PPFIA2: variants seen among roughly 807,000 people sequenced by gnomAD.
PPFIA2 encodes the protein PPFI scaffold protein A2, also known as liprin-alpha-2.
In PPFIA2, 46 loss-of-function variants were observed where a neutral mutation model predicts 175.5. The observed-to-expected ratio is 0.26, with a 90% confidence interval of 0.21 to 0.34. The LOEUF (loss-of-function observed/expected upper bound fraction) is 0.34. Among genes scored for constraint, PPFIA2 ranks in the 10% least tolerant of loss-of-function variants. The probability of loss-of-function intolerance (pLI) is 1.00; values close to 1 mark genes in which losing one functional copy is unlikely to be tolerated. For synonymous variants in PPFIA2, 568 were observed against 511.4 expected (o/e 1.11, Z -1.49); for missense variants, 1,179 against 1,506.1 (o/e 0.78, Z 3.60).
In PPFIA2 at chr12:81,521,651, CAA is replaced by C. The variant is rs1167533871; in HGVS notation, c.304-63787_304-63786del. On this transcript the variant is annotated intron_variant, in intron 4 of 32. Coordinates refer to ENST00000549396, the MANE Select transcript of PPFIA2 (RefSeq NM_003625.5). Reference sequence around the variant, plus strand: ...GCTAACAAGGATCTCTAATAAAATACAAAAAAAAAAAAAAAAAAAATAGCCAG... The same window carrying C: ...GCTAACAAGGATCTCTAATAAAATACAAAAAAAAAAAAAAAAAATAGCCAG... 3.6e-3 allele frequency among the ~76,000 whole-genome samples: 312 copies of C among 87,494 alleles called. 2 individuals carry two copies. The highest frequency in any genetic ancestry group is 9.7e-3 in the African/African-American group (239 of 24,676). 57.4% of individuals were successfully genotyped at this position (87,494 alleles called of 152,430 possible).
chr12:81,604,710 C>G (rs773909904), intron 4 of PPFIA2, among the ~76,000 whole-genome samples: 4 of 151,486 alleles, frequency 2.6e-5, no homozygotes, highest in Non-Finnish European at 5.9e-5. Flanking sequence ...AATAACATAC[C>G]CATTTTAATC....
At chr12:81,427,639 CAT>C (rs2047379001) in intron 7 of PPFIA2, among the ~76,000 whole-genome samples, 1 of 151,886 alleles carries the variant, frequency 6.6e-6, no homozygotes, top group African/African-American at 2.4e-5. Flanking sequence ...GTGGGTATAA[CAT>C]AAAGTACAGA....
intron 13 of PPFIA2, 24 bp from the exon 14 acceptor site, chr12:81,367,194 ATAAT>A: frequency 7.7e-7 from 1 of 1,296,612 alleles, no homozygotes. Flanking sequence ...AATAGCAGAA[ATAAT>A]TAATAAATTA....
intron 19 of PPFIA2, among the ~76,000 whole-genome samples, chr12:81,342,704 TACATGTTAGTGTTTTC>T (rs951377814): frequency 6.6e-6 from 1 of 152,084 alleles, no homozygotes; most frequent in African/African-American, 2.4e-5. Flanking sequence ...CTATTCCTAA[TACATGTTAGTGTTTTC>T]ACAGTTCTGT....
chr12:81,358,028 A>G (rs965909843), intron 16 of PPFIA2, 54 bp downstream of exon 16: 1 of 1,435,810 alleles, frequency 7.0e-7, no homozygotes, highest in East Asian at 2.5e-5. Context: ...TCTATCAAAA[A>G]TGAAACTATG....
intron 3 of PPFIA2, among the ~76,000 whole-genome samples, chr12:81,708,369 T>C (rs2077479103): frequency 6.6e-6 from 1 of 152,074 alleles, no homozygotes; most frequent in South Asian, 2.1e-4. Context: ...ACTAAAGATA[T>C]GGAGACTCAT....
chr12:81,364,078 A>G (rs2032156059), intron 14 of PPFIA2, among the ~76,000 whole-genome samples: 2 of 151,828 alleles, frequency 1.3e-5, no homozygotes, highest in Admixed American at 1.3e-4. Context: ...GTTTTTCAAT[A>G]AAGTGATACT....
At chr12:81,730,690 C>T (rs1176223260) in intron 3 of PPFIA2, among the ~76,000 whole-genome samples, 1 of 151,498 alleles carries the variant, frequency 6.6e-6, no homozygotes, top group African/African-American at 2.4e-5. Flanking sequence ...TTTATTCTGT[C>T]CTCAAATGGA....
At chr12:81,751,869 T>G (rs1022752318) in intron 3 of PPFIA2, among the ~76,000 whole-genome samples, 1 of 152,204 alleles carries the variant, frequency 6.6e-6, no homozygotes, top group Non-Finnish European at 1.5e-5. Context: ...CTGAAGTATC[T>G]TGTTCTAGTG....
intron 4 of PPFIA2, among the ~76,000 whole-genome samples, chr12:81,638,743 A>C (rs1203760296): frequency 8.5e-6 from 1 of 118,066 alleles, no homozygotes; most frequent in African/African-American, 3.5e-5. Flanking sequence ...GCTGGAGTGC[A>C]GTGGCGGGAT....
At chr12:81,381,927 C>A (rs940117936) in intron 9 of PPFIA2, among the ~76,000 whole-genome samples, 1 of 151,902 alleles carries the variant, frequency 6.6e-6, no homozygotes, top group Non-Finnish European at 1.5e-5. Flanking sequence ...GCCTATTATA[C>A]AATCAATAGC....
intron 24 of PPFIA2, among the ~76,000 whole-genome samples, chr12:81,285,205 C>T (rs1293113379): frequency 6.6e-6 from 1 of 152,090 alleles, no homozygotes; most frequent in Non-Finnish European, 1.5e-5. Context: ...AAGGTATTGG[C>T]CCCTGGAAAC....
chr12:81,535,216 T>G (rs1184754028), intron 4 of PPFIA2, among the ~76,000 whole-genome samples: 1 of 151,490 alleles, frequency 6.6e-6, no homozygotes, highest in East Asian at 1.9e-4. Flanking sequence ...CAGCTTGGAG[T>G]ATGAAATGTG....
intron 7 of PPFIA2, among the ~76,000 whole-genome samples, chr12:81,433,281 C>T (rs187639062): frequency 1.3e-5 from 2 of 152,260 alleles, no homozygotes; most frequent in Admixed American, 6.5e-5. Context: ...TAAATCATAG[C>T]CTTCCTTCAA....
chr12:81,473,044 T>C (rs1372831649), intron 4 of PPFIA2: 1 of 152,238 alleles, frequency 6.6e-6, no homozygotes, highest in Non-Finnish European at 1.5e-5. Context: ...CTCTATCCTG[T>C]AGCTATTTAC....
chr12:81,635,308 G>C (rs1464683717), intron 4 of PPFIA2, among the ~76,000 whole-genome samples: 2 of 152,106 alleles, frequency 1.3e-5, no homozygotes, highest in South Asian at 4.1e-4. Context: ...AATAAGAGCT[G>C]TCACTCATCA....
intron 4 of PPFIA2, among the ~76,000 whole-genome samples, chr12:81,625,097 A>T (rs1043908732): frequency 6.6e-6 from 1 of 151,862 alleles, no homozygotes; most frequent in African/African-American, 2.4e-5. Context: ...ATACACACAC[A>T]ATATGTTTGT....
At chr12:81,581,982 A>T (rs1341038008) in intron 4 of PPFIA2, among the ~76,000 whole-genome samples, 1 of 151,898 alleles carries the variant, frequency 6.6e-6, no homozygotes, top group Non-Finnish European at 1.5e-5. Flanking sequence ...GGGAAATTCA[A>T]TATTTGCATA....
intron 6 of PPFIA2, among the ~76,000 whole-genome samples, chr12:81,442,519 T>G (rs1405735041): frequency 6.6e-6 from 1 of 151,962 alleles, no homozygotes; most frequent in Non-Finnish European, 1.5e-5. Context: ...GTCTGATATG[T>G]TATTTTTAAA....
Sources: allele counts gnomAD v4.1 joint callset (sites outside exome capture counted in the v4.1 genomes callset), GRCh38; gene constraint gnomAD v4.1.1; transcripts MANE v1.5; gene names NCBI Gene and HGNC (gene_info 2026-07-23, HGNC 2026-07-21).